Variants in CDH13 observed in about 807,000 individuals in gnomAD.
CDH13 encodes cadherin 13.
Under a neutral mutation model 63.8 loss-of-function variants are expected in CDH13, and 24 were observed. That is an observed-to-expected ratio of 0.38 (90% confidence interval 0.27 to 0.53). The LOEUF (loss-of-function observed/expected upper bound fraction) is 0.53. Among genes scored for constraint, CDH13 ranks in the 20% least tolerant of loss-of-function variants. CDH13 has a pLI of 0.85. For missense variants in CDH13, 1,049 were observed against 903.1 expected (o/e 1.16, Z -2.07); for synonymous variants, 503 against 355.3 (o/e 1.42, Z -4.67).
chr16:82,818,113 G>GTT (rs1238858807), intron 1 of CDH13, among the ~76,000 whole-genome samples: 2 of 126,876 alleles, frequency 1.6e-5, no homozygotes, highest in African/African-American at 3.3e-5. Flanking sequence ...TACATGTATG[G>GTT]TTGTGTGTGT....
At position 83,708,573 on chromosome 16, in the gene CDH13, T is replaced by A. The variant is rs1907505414; in HGVS notation, c.1538+30112T>A. Among the ~76,000 whole-genome samples, 2 of 152,174 alleles carry A rather than the reference T, an allele frequency of 1.3e-5. 1 individual carries two copies. The highest frequency in any genetic ancestry group is 4.1e-4 in the South Asian group (2 of 4,822). ...TCTCTTCCTGCTAACCATGCTAGGC[T>A]AAGTAACGCCCACACCGCCTCCACT... On this transcript the variant is annotated intron_variant, in intron 10 of 13. Coordinates refer to ENST00000567109, the MANE Select transcript of CDH13 (RefSeq NM_001257.5).
rs370587918 is a variant in CDH13 at position 83,082,218 on chromosome 16, C to G, written c.367-43167C>G. 3.3e-5 allele frequency among the ~76,000 whole-genome samples: 5 copies of G among 152,350 alleles called. No individual in the cohort carries two copies. In the South Asian group the frequency reaches 8.3e-4, roughly 25 times the overall value. ...AGCTCGTAACATTCCACTCTGCCCTCTCCCCACACATTTATGTCTTTCTCA... is the reference window on the plus strand; with the variant it reads ...AGCTCGTAACATTCCACTCTGCCCTGTCCCCACACATTTATGTCTTTCTCA... On this transcript the variant is annotated intron_variant, in intron 3 of 13. Coordinates refer to ENST00000567109, the MANE Select transcript of CDH13 (RefSeq NM_001257.5).
intron 7 of CDH13, among the ~76,000 whole-genome samples, chr16:83,518,684 G>T (rs972603159): frequency 4.0e-5 from 6 of 150,628 alleles, no homozygotes; most frequent in African/African-American, 1.2e-4. Context: ...TGTTAGCCAG[G>T]ATGGTCTCGA....
intron 2 of CDH13, among the ~76,000 whole-genome samples, chr16:82,989,309 T>C (rs909676862): frequency 6.6e-6 from 1 of 152,198 alleles, no homozygotes; most frequent in East Asian, 1.9e-4. Flanking sequence ...GACAAGCATA[T>C]AGTTTGCATA....
intron 5 of CDH13, among the ~76,000 whole-genome samples, chr16:83,240,167 C>T (rs889189686): frequency 2.6e-5 from 4 of 151,908 alleles, no homozygotes; most frequent in Non-Finnish European, 5.9e-5. Flanking sequence ...TTGGTGTACC[C>T]CTCATTTCTT....
At position 83,780,139 on chromosome 16, in the gene CDH13, T is replaced by A; in HGVS notation, c.1853T>A (p.Phe618Tyr). 1.2e-6 allele frequency: 2 copies of A among 1,612,868 alleles called. No individual in the cohort carries two copies. Among genetic ancestry groups the A allele is most frequent in the Non-Finnish European group, 1.7e-6 (2 of 1,179,360 alleles). ...GATCTTCACCCGAATACAGATCCTT[T>A]CAAATTTGAAATCCACAAACAAGCT... is the stretch of plus-strand genomic sequence containing the variant. ...DKDLHPNTDPFKFEIHKQAVP... is the reference protein window; with the variant it reads ...DKDLHPNTDPYKFEIHKQAVP... The change falls in exon 12 of 14, where the codon TTC (phenylalanine) becomes TAC (tyrosine). Residue 618 changes from phenylalanine to tyrosine, a missense_variant. Physicochemically the swap from Phe to Tyr is conservative, Grantham distance 22 (BLOSUM62 3). Coordinates refer to ENST00000567109, the MANE Select transcript of CDH13 (RefSeq NM_001257.5).
At chr16:82,882,311 C>T (rs181376007) in intron 2 of CDH13, among the ~76,000 whole-genome samples, 3 of 152,314 alleles carry the variant, frequency 2.0e-5, no homozygotes, top group Admixed American at 1.3e-4. Context: ...AGCCTGGGTA[C>T]TAATGTCATC....
At chr16:83,000,729 G>A (rs1042853979) in intron 2 of CDH13, among the ~76,000 whole-genome samples, 1 of 151,760 alleles carries the variant, frequency 6.6e-6, no homozygotes, top group Non-Finnish European at 1.5e-5. Context: ...ACAGGTACCC[G>A]CCACCATGCC....
intron 2 of CDH13, among the ~76,000 whole-genome samples, chr16:82,903,598 T>C (rs2151248600): frequency 6.6e-6 from 1 of 152,348 alleles, no homozygotes; most frequent in South Asian, 2.1e-4. Context: ...GGTGTTTTAG[T>C]CGTGAGCTAA....
At chr16:83,175,684 G>A (rs78142105) in intron 4 of CDH13, among the ~76,000 whole-genome samples, 24,457 of 151,922 alleles carry the variant, frequency 0.16, 2,083 homozygotes, top group South Asian at 0.19. Flanking sequence ...AACAAACACC[G>A]TCATTCTTAC....
At chr16:82,724,506 G>A (rs894495346) in intron 1 of CDH13, among the ~76,000 whole-genome samples, 1 of 152,152 alleles carries the variant, frequency 6.6e-6, no homozygotes, top group Non-Finnish European at 1.5e-5. Context: ...ATATGTTTTG[G>A]TAGAGCCTAG....
intron 2 of CDH13, among the ~76,000 whole-genome samples, chr16:82,929,814 C>G (rs749359659): frequency 6.6e-6 from 1 of 151,836 alleles, no homozygotes; most frequent in Non-Finnish European, 1.5e-5. Flanking sequence ...CCCAGTCAAT[C>G]ATATCCTGTT....
At chr16:82,885,852 G>T (rs923194102) in intron 2 of CDH13, among the ~76,000 whole-genome samples, 1 of 152,072 alleles carries the variant, frequency 6.6e-6, no homozygotes, top group East Asian at 1.9e-4. Context: ...ACCTCATAGG[G>T]TTATGTCAGG....
intron 1 of CDH13, among the ~76,000 whole-genome samples, chr16:82,724,498 A>G (rs563160125): frequency 6.6e-6 from 1 of 152,158 alleles, no homozygotes; most frequent in Non-Finnish European, 1.5e-5. Context: ...GATCCCATAT[A>G]TGTTTTGGTA....
intron 3 of CDH13, among the ~76,000 whole-genome samples, chr16:83,112,445 G>A (rs748987712): frequency 4.6e-5 from 7 of 152,174 alleles, no homozygotes; most frequent in Non-Finnish European, 1.0e-4. Context: ...GTTTCTGTGC[G>A]GTATGTGTAT....
intron 2 of CDH13, among the ~76,000 whole-genome samples, chr16:82,870,272 C>T (rs1209146927): frequency 6.6e-6 from 1 of 152,170 alleles, no homozygotes; most frequent in Non-Finnish European, 1.5e-5. Context: ...AACATATTCT[C>T]TCCCTGCAGT....
intron 3 of CDH13, among the ~76,000 whole-genome samples, chr16:83,114,258 G>T (rs532530843): frequency 1.7e-4 from 26 of 152,268 alleles, no homozygotes; most frequent in African/African-American, 6.3e-4. Flanking sequence ...CAACGCCTCT[G>T]ATGTGTGACT....
At chr16:83,175,462 A>T (rs2038084898) in intron 4 of CDH13, among the ~76,000 whole-genome samples, 2 of 152,198 alleles carry the variant, frequency 1.3e-5, no homozygotes, top group South Asian at 4.2e-4. Context: ...GGGAAGAGGA[A>T]GGGATTGTTT....
At chr16:83,646,600 C>T (rs186691487) in intron 8 of CDH13, among the ~76,000 whole-genome samples, 329 of 147,302 alleles carry the variant, frequency 2.2e-3, no homozygotes, top group African/African-American at 7.6e-3. Flanking sequence ...TACTCAGAGG[C>T]TGAGGCAGGA....
Sources: allele counts gnomAD v4.1 joint callset (sites outside exome capture counted in the v4.1 genomes callset), GRCh38; gene constraint gnomAD v4.1.1; transcripts MANE v1.5; gene names NCBI Gene and HGNC (gene_info 2026-07-23, HGNC 2026-07-21).